Variants in DAB2IP observed in about 807,000 individuals in gnomAD.
The protein encoded by DAB2IP is DAB2 interacting protein.
A neutral mutation model predicts 107.2 loss-of-function variants in DAB2IP; 28 were observed. That is an observed-to-expected ratio of 0.26 (90% CI 0.19 to 0.36). The LOEUF (loss-of-function observed/expected upper bound fraction) is 0.36. DAB2IP is among the 10% of genes least tolerant of loss of function. The pLI is 1.00. For synonymous variants in DAB2IP, 755 were observed against 706.4 expected (o/e 1.07, Z -1.09); for missense variants, 1,400 against 1,644.7 (o/e 0.85, Z 2.57).
intron 14 of DAB2IP, 127 bp from the exon 15 acceptor site, chr9:121,781,337 C>T (rs1239132619): frequency 1.1e-4 from 100 of 881,704 alleles, no homozygotes; most frequent in Non-Finnish European, 1.5e-4. Context: ...GGAGGCAAGT[C>T]TCTGACCCAA....
At chr9:121,652,473 G>C (rs1402829132) in intron 1 of DAB2IP, among the ~76,000 whole-genome samples, 1 of 152,130 alleles carries the variant, frequency 6.6e-6, no homozygotes, top group Non-Finnish European at 1.5e-5. Flanking sequence ...TCCAGTAACA[G>C]GATCCTCGGC....
chr9:121,613,395 G>C (rs1037164388), intron 1 of DAB2IP, among the ~76,000 whole-genome samples: 4 of 152,154 alleles, frequency 2.6e-5, no homozygotes, highest in Non-Finnish European at 5.9e-5. Context: ...ATCCTTGCTG[G>C]AATTTCTCTT....
intron 14 of DAB2IP, among the ~76,000 whole-genome samples, chr9:121,779,445 A>C (rs1347292771): frequency 6.6e-6 from 1 of 152,232 alleles, no homozygotes; most frequent in African/African-American, 2.4e-5. Flanking sequence ...GATGCCAGGC[A>C]TTGTGAATCT....
chr9:121,753,450 C>T (rs868289087), intron 3 of DAB2IP, among the ~76,000 whole-genome samples: 2 of 152,328 alleles, frequency 1.3e-5, no homozygotes, highest in Middle Eastern at 3.4e-3. Flanking sequence ...CAGCCTTGGG[C>T]AGCAGAGAGG....
At chr9:121,669,870 C>A (rs780351045) in intron 1 of DAB2IP, among the ~76,000 whole-genome samples, 1 of 152,160 alleles carries the variant, frequency 6.6e-6, no homozygotes, top group Non-Finnish European at 1.5e-5. Context: ...GTGGTATAGC[C>A]GTGAATGCCA....
intron 1 of DAB2IP, among the ~76,000 whole-genome samples, chr9:121,642,036 T>TC (rs1832362462): frequency 2.4e-5 from 1 of 42,464 alleles, no homozygotes; most frequent in Non-Finnish European, 4.2e-5. Context: ...TCTCTCTTTC[T>TC]TTCTTTCTTT....
rs1832065167 is a variant in DAB2IP at position 121,635,769 on chromosome 9, C to T, written c.41-42909C>T. Among the ~76,000 whole-genome samples, 1 of 152,134 alleles carries T rather than the reference C, an allele frequency of 6.6e-6. No individual in the cohort carries two copies. Among genetic ancestry groups the T allele is most frequent in the Non-Finnish European group, 1.5e-5 (1 of 68,036 alleles). On this transcript the variant is annotated intron_variant, in intron 1 of 16. Transcript: ENST00000259371. This position sits in a 1 kb window ranked among gnomAD's most constrained non-coding sequence, Gnocchi z 4.3. ...TGGGGAGCGGGTTTTGGCCCAGCCCCACGCAGAGCCTTAAAGACGCAGCCA... is the reference window on the plus strand; with the variant it reads ...TGGGGAGCGGGTTTTGGCCCAGCCCTACGCAGAGCCTTAAAGACGCAGCCA...
At chr9:121,651,535 C>T (rs1832736166), upstream of DAB2IP, 5 of 465,186 alleles carry the variant, frequency 1.1e-5, no homozygotes, top group Non-Finnish European at 1.4e-5. This position sits in a 1 kb window ranked among gnomAD's most constrained non-coding sequence, Gnocchi z 5.1. Context: ...ACTGACTTTC[C>T]GGGCCGGTGC....
At chr9:121,783,082 A>G in exon 16 of DAB2IP, 1 of 1,038,002 alleles carries the variant, frequency 9.6e-7, no homozygotes, top group Non-Finnish European at 1.2e-6. Flanking sequence ...CACTGCATGC[A>G]GCCTGTTGGG....
Position 121,699,624 on chromosome 9 carries a change from G to T in DAB2IP, c.362+166G>T, listed in dbSNP as rs895228235. The stretch of plus-strand genomic sequence containing the variant: ...GGGGCCACCTCGGCCGGACTAGGGG[G>T]CCCGAGGGGAGGACCCTGTGCCTCC... On this transcript the variant is annotated intron_variant, in intron 3 of 15. Transcript: ENST00000408936. This position sits in a 1 kb window ranked among gnomAD's most constrained non-coding sequence, Gnocchi z 6.2. Among the ~76,000 whole-genome samples, 1 of 152,148 alleles carries T rather than the reference G, an allele frequency of 6.6e-6. No homozygotes were observed. The highest frequency in any genetic ancestry group is 2.1e-4 in the South Asian group (1 of 4,830).
intron 3 of DAB2IP, among the ~76,000 whole-genome samples, chr9:121,755,599 T>TCC (rs1833423371): frequency 6.6e-6 from 1 of 152,250 alleles, no homozygotes; most frequent in African/African-American, 2.4e-5. Flanking sequence ...AGCATGGGAC[T>TCC]CCATGTTGGG....
intron 1 of DAB2IP, among the ~76,000 whole-genome samples, chr9:121,616,663 A>G (rs793512): frequency 0.39 from 59,082 of 152,064 alleles, 13,109 homozygotes; most frequent in Non-Finnish European, 0.51. Context: ...GAAGGGAAGT[A>G]AGGAGTTGAA....
At chr9:121,605,220 C>T (rs1412301257) in intron 1 of DAB2IP, among the ~76,000 whole-genome samples, 1 of 152,008 alleles carries the variant, frequency 6.6e-6, no homozygotes, top group Non-Finnish European at 1.5e-5. Flanking sequence ...AGGGTTTCCC[C>T]ATGTTTCCCA....
intron 1 of DAB2IP, among the ~76,000 whole-genome samples, chr9:121,585,110 A>T (rs1022205129): frequency 6.6e-6 from 1 of 151,836 alleles, no homozygotes; most frequent in African/African-American, 2.4e-5. Context: ...TCAAGTCCCA[A>T]CTCCTCCATT....
chr9:121,754,665 C>G (rs1396861021), intron 3 of DAB2IP, among the ~76,000 whole-genome samples: 1 of 152,158 alleles, frequency 6.6e-6, no homozygotes, highest in Non-Finnish European at 1.5e-5. Context: ...GCTTGTGGGA[C>G]ATGGTGGGGA....
chr9:121,669,210 G>A (rs1157929543), intron 1 of DAB2IP, among the ~76,000 whole-genome samples: 1 of 152,100 alleles, frequency 6.6e-6, no homozygotes, highest in Non-Finnish European at 1.5e-5. Flanking sequence ...GGGATTACAG[G>A]CGTGAGCTAC....
intron 1 of DAB2IP, among the ~76,000 whole-genome samples, chr9:121,669,449 G>A (rs564810155): frequency 9.2e-5 from 14 of 152,258 alleles, no homozygotes; most frequent in African/African-American, 1.2e-4. Context: ...GGGAGAGCAC[G>A]CACCATGGGG....
chr9:121,580,296 G>A (rs1196654994), intron 1 of DAB2IP, among the ~76,000 whole-genome samples: 1 of 152,190 alleles, frequency 6.6e-6, no homozygotes, highest in Non-Finnish European at 1.5e-5. Context: ...GAAGAGCTTA[G>A]AACAGGCACT....
intron 3 of DAB2IP, among the ~76,000 whole-genome samples, chr9:121,741,814 T>G (rs1210227723): frequency 6.6e-6 from 1 of 150,706 alleles, no homozygotes; most frequent in Non-Finnish European, 1.5e-5. Flanking sequence ...GCGCTCACTC[T>G]CAGCAAGGCT....
Sources: gnomAD v4.1 joint callset for allele counts (sites outside exome capture counted in the v4.1 genomes callset) on GRCh38, gnomAD v4.1.1 for gene constraint, Gnocchi (gnomAD v3.1) non-coding constraint, MANE v1.5 for transcripts, NCBI Gene and HGNC (gene_info 2026-07-23, HGNC 2026-07-21) for gene names.